The following WNT2 variants were observed in gnomAD, a reference collection of about 807,000 sequenced individuals.
The protein encoded by WNT2 is protein Wnt-2.
A neutral mutation model predicts 36.9 loss-of-function variants in WNT2; 12 were observed. The ratio of observed to expected loss-of-function variants is 0.33; its 90% CI spans 0.21 to 0.53. The LOEUF (loss-of-function observed/expected upper bound fraction) is 0.53, where lower values mean the gene tolerates loss of function less well. Ranked by LOEUF, WNT2 falls within the 20% of genes least tolerant of loss-of-function variation. The pLI, the probability that WNT2 is intolerant of heterozygous loss-of-function variation, is 0.95. For missense variants in WNT2, 379 were observed against 473.1 expected, an observed-to-expected ratio of 0.80 and a Z score of 1.84; for synonymous variants, 163 against 174.6, an observed-to-expected ratio of 0.93 and a Z score of 0.52.
intron 4 of WNT2, among the ~76,000 whole-genome samples, chr7:117,291,504 C>T (rs954570312): frequency 3.3e-5 from 5 of 152,114 alleles, no homozygotes; most frequent in African/African-American, 7.2e-5. Context: ...ATGCCTGGAG[C>T]AGTAACCAGA....
At chr7:117,281,838 A>G (rs1434451626) in intron 4 of WNT2, among the ~76,000 whole-genome samples, 4 of 152,190 alleles carry the variant, frequency 2.6e-5, no homozygotes, top group Non-Finnish European at 5.9e-5. Context: ...GCTGCACACC[A>G]AGGAGGTAAC....
intron 3 of WNT2, among the ~76,000 whole-genome samples, chr7:117,299,688 G>T (rs1346397842): frequency 6.6e-6 from 1 of 152,008 alleles, no homozygotes; most frequent in Admixed American, 6.6e-5. Context: ...AGAGATGGGG[G>T]TCTCACTGTG....
intron 2 of WNT2, among the ~76,000 whole-genome samples, chr7:117,316,711 C>T (rs961251186): frequency 6.6e-6 from 1 of 152,124 alleles, no homozygotes; most frequent in Non-Finnish European, 1.5e-5. Context: ...AAAATATTTA[C>T]CCCCCAAACC....
Position 117,275,897 on chromosome 7 carries a change from C to T in WNT2, c.*2258G>A, listed in dbSNP as rs73211994. On this transcript the variant is annotated 3_prime_UTR_variant, in exon 5 of 5. Coordinates refer to ENST00000265441, the MANE Select transcript of WNT2 (RefSeq NM_003391.3). The stretch of plus-strand genomic sequence containing the variant: ...TAGGTTCCTACGTGGATATCCTTGT[C>T]CCCTTGCTACTTACCAGGAGGGATA... Among the ~76,000 whole-genome samples the T allele has an allele frequency of 0.033, 5,101 of 152,286 alleles. 129 individuals are homozygous for T. Among genetic ancestry groups the T allele is most frequent in the Non-Finnish European group, 0.052 (3,571 of 68,026 alleles).
intron 4 of WNT2, among the ~76,000 whole-genome samples, chr7:117,287,798 G>T (rs2116335496): frequency 6.6e-6 from 1 of 152,150 alleles, no homozygotes; most frequent in Non-Finnish European, 1.5e-5. Flanking sequence ...GACCAGCCTG[G>T]CCAACATGGT....
chr7:117,287,568 G>T (rs952463071), intron 4 of WNT2, among the ~76,000 whole-genome samples: 5 of 152,094 alleles, frequency 3.3e-5, no homozygotes, highest in African/African-American at 1.2e-4. Flanking sequence ...ATTTTTTCAT[G>T]CATCTTGTCT....
At chr7:117,309,151 T>G (rs1795073898) in intron 3 of WNT2, among the ~76,000 whole-genome samples, 1 of 151,706 alleles carries the variant, frequency 6.6e-6, no homozygotes, top group Non-Finnish European at 1.5e-5. Context: ...TACCGCACAC[T>G]CCAGCCTGGG....
Position 117,315,385 on chromosome 7 carries a change from A to G in WNT2, c.311-37T>C, listed in dbSNP as rs368526129. 7 of 1,586,178 alleles carry G rather than the reference A, an allele frequency of 4.4e-6. No homozygotes were observed. In the African/African-American group the frequency reaches 8.1e-5, roughly 18 times the overall value. ...ATGCTTTTCTTAAAAGTGGTCCGGTAGCACTATTTCTGAATAACTTTCATA... is the reference window on the plus strand; with the variant it reads ...ATGCTTTTCTTAAAAGTGGTCCGGTGGCACTATTTCTGAATAACTTTCATA... On this transcript the variant is annotated intron_variant, in intron 2 of 4. Coordinates refer to ENST00000265441, the MANE Select transcript of WNT2 (RefSeq NM_003391.3).
chr7:117,293,210 G>GA (rs76599649), intron 4 of WNT2, among the ~76,000 whole-genome samples: 1 of 152,008 alleles, frequency 6.6e-6, no homozygotes, highest in East Asian at 1.9e-4. Flanking sequence ...ACTTCCTTTG[G>GA]AAAAAAGTAG....
intron 3 of WNT2, among the ~76,000 whole-genome samples, 174 bp from the exon 4 acceptor site, chr7:117,298,050 C>T (rs1373268301): frequency 6.6e-6 from 1 of 152,100 alleles, no homozygotes; most frequent in Non-Finnish European, 1.5e-5. Context: ...AGCCACCTGC[C>T]CTGACTGCAG....
At chr7:117,291,803 G>A (rs531646173) in intron 4 of WNT2, among the ~76,000 whole-genome samples, 1 of 152,098 alleles carries the variant, frequency 6.6e-6, no homozygotes, top group East Asian at 1.9e-4. Flanking sequence ...TTGAGACAGA[G>A]TTTCACTCTT....
Position 117,297,785 on chromosome 7 carries a change from A to C in WNT2, c.680T>G (p.Phe227Cys), listed in dbSNP as rs1280291692. The change falls in exon 4 of 5, where the codon TTC becomes TGC. Residue 227 changes from phenylalanine to cysteine, a missense_variant. Physicochemically the swap from Phe to Cys is radical, Grantham distance 205 (BLOSUM62 -2). Coordinates refer to ENST00000265441, the MANE Select transcript of WNT2 (RefSeq NM_003391.3). ...CCAGAGATAATCGCCCGTTTTCCTG[A>C]AGTCGGCCATGGCCAGCCAGCATGT... ...LRTCWLAMAD[F>C]RKTGDYLWRK... 1 of 1,614,174 alleles carries C rather than the reference A, an allele frequency of 6.2e-7. No individual in the cohort carries two copies. The highest frequency in any genetic ancestry group is 8.5e-7 in the Non-Finnish European group (1 of 1,180,028).
At chr7:117,320,429 C>G (rs1446926866) in intron 2 of WNT2, 138 bp downstream of exon 2, 5 of 825,004 alleles carry the variant, frequency 6.1e-6, no homozygotes, top group Non-Finnish European at 9.8e-6. Flanking sequence ...ACCTGTAGAA[C>G]AGGGACAATG....
At chr7:117,298,215 A>G (rs993632816) in intron 3 of WNT2, among the ~76,000 whole-genome samples, 4 of 152,258 alleles carry the variant, frequency 2.6e-5, no homozygotes, top group African/African-American at 7.2e-5. Flanking sequence ...GAGCTTTATT[A>G]TATTAAAAAT....
Position 117,281,243 on chromosome 7 carries a change from GTTA to G in WNT2, c.854-2862_854-2860del, listed in dbSNP as rs139712119. Among the ~76,000 whole-genome samples the G allele has an allele frequency of 5.6e-3, 856 of 152,198 alleles. 6 individuals carry two copies. The highest frequency in any genetic ancestry group is 0.027 in the Middle Eastern group (8 of 294). On this transcript the variant is annotated intron_variant, in intron 4 of 4. Coordinates refer to ENST00000265441, the MANE Select transcript of WNT2 (RefSeq NM_003391.3). ...GGTTAAAGGGTCTGTTGTTGTTGTT[GTTA>G]TTGTTGTTTGAGACAGGGTCTCACT...
chr7:117,299,663 T>TA (rs974030504), intron 3 of WNT2, among the ~76,000 whole-genome samples: 64 of 152,096 alleles, frequency 4.2e-4, no homozygotes, highest in African/African-American at 1.5e-3. Context: ...CAGCTAATTT[T>TA]AAAAAATATT....
At chr7:117,299,011 C>T (rs1794849878) in intron 3 of WNT2, among the ~76,000 whole-genome samples, 1 of 152,062 alleles carries the variant, frequency 6.6e-6, no homozygotes, top group South Asian at 2.1e-4. Flanking sequence ...GAAATTTATC[C>T]TCCTCAGCAC....
At chr7:117,282,117 A>C (rs1024078926) in intron 4 of WNT2, among the ~76,000 whole-genome samples, 2 of 152,258 alleles carry the variant, frequency 1.3e-5, no homozygotes, top group Admixed American at 1.3e-4. Flanking sequence ...CTAAAGTACA[A>C]AAATGGGAAA....
chr7:117,318,604 G>A (rs1795263460), intron 2 of WNT2, among the ~76,000 whole-genome samples: 1 of 152,160 alleles, frequency 6.6e-6, no homozygotes, highest in Admixed American at 6.5e-5. Context: ...GTGGCAATAT[G>A]TTGGCTCACT....
Sources: allele counts gnomAD v4.1 joint callset (sites outside exome capture counted in the v4.1 genomes callset), GRCh38; gene constraint gnomAD v4.1.1; transcripts MANE v1.5; gene names NCBI Gene and HGNC (gene_info 2026-07-23, HGNC 2026-07-21).